MYO18B: variants seen among roughly 807,000 people sequenced by gnomAD.
The protein encoded by MYO18B is myosin XVIIIB.
Under a neutral mutation model 273.0 loss-of-function variants are expected in MYO18B, and 204 were observed. The observed-to-expected ratio is 0.75, with a 90% confidence interval of 0.67 to 0.84. The LOEUF (loss-of-function observed/expected upper bound fraction) is 0.84, where lower values mean the gene tolerates loss of function less well. Among genes scored for constraint, MYO18B ranks in the 40% least tolerant of loss-of-function variants. MYO18B has a pLI of 0.00. For synonymous variants in MYO18B, 1,330 were observed against 1,305.7 expected, an observed-to-expected ratio of 1.02 and a Z score of -0.40; for missense variants, 3,212 against 3,287.6, an observed-to-expected ratio of 0.98 and a Z score of 0.56.
At chr22:25,886,664 G>A (rs2091510352) in intron 25 of MYO18B, among the ~76,000 whole-genome samples, 1 of 152,158 alleles carries the variant, frequency 6.6e-6, no homozygotes, top group Non-Finnish European at 1.5e-5. Flanking sequence ...TGGCTGCCTG[G>A]TTTGTTCTAG....
Position 25,930,593 on chromosome 22 carries a change from C to G in MYO18B, c.5517+9184C>G, listed in dbSNP as rs2092485071. Among the ~76,000 whole-genome samples, 4 of 151,450 alleles carry G rather than the reference C, an allele frequency of 2.6e-5. No individual in the cohort carries two copies. The South Asian group carries it at 8.4e-4, about 32-fold the overall frequency. On this transcript the variant is annotated intron_variant, in intron 34 of 43. Coordinates refer to ENST00000335473, the MANE Select transcript of MYO18B (RefSeq NM_032608.7). ...TGGTGCAATCGCGGTTTACTACAGCCTCAACCTCAAGCAGAATACAGGCAT... is the reference window on the plus strand; with the variant it reads ...TGGTGCAATCGCGGTTTACTACAGCGTCAACCTCAAGCAGAATACAGGCAT...
At chr22:25,948,287 A>G (rs941741861) in intron 36 of MYO18B, among the ~76,000 whole-genome samples, 5 of 151,718 alleles carry the variant, frequency 3.3e-5, no homozygotes, top group African/African-American at 1.2e-4. Flanking sequence ...CCATCTTTCC[A>G]TTCATTTATC....
intron 39 of MYO18B, among the ~76,000 whole-genome samples, chr22:25,977,738 A>G (rs2146771157): frequency 1.3e-5 from 2 of 152,328 alleles, no homozygotes; most frequent in South Asian, 4.1e-4. Flanking sequence ...TTCTAAGAAT[A>G]GGAAAGGGAG....
At chr22:25,982,048 G>A (rs890295367) in intron 39 of MYO18B, among the ~76,000 whole-genome samples, 1 of 152,206 alleles carries the variant, frequency 6.6e-6, no homozygotes, top group East Asian at 1.9e-4. Flanking sequence ...CATGGCTGGA[G>A]CAGGAGGAAG....
chr22:26,039,028 G>A, the MYO18B span, among the ~76,000 whole-genome samples: 1 of 152,184 alleles, frequency 6.6e-6, no homozygotes, highest in Non-Finnish European at 1.5e-5. Flanking sequence ...ATCTCTTGGA[G>A]TCTGATATTC....
At chr22:25,803,983 C>CACAT (rs1444842634) in intron 12 of MYO18B, among the ~76,000 whole-genome samples, 1 of 150,308 alleles carries the variant, frequency 6.7e-6, no homozygotes, top group Non-Finnish European at 1.5e-5. Context: ...CACACACACA[C>CACAT]ACACACACAC....
chr22:25,843,920 G>A (rs1329961060), intron 18 of MYO18B, 26 bp downstream of exon 18: 24 of 1,589,038 alleles, frequency 1.5e-5, no homozygotes, highest in Non-Finnish European at 2.1e-5. Flanking sequence ...GTTGGGGACG[G>A]GGATGGAGCA....
In MYO18B at chr22:25,769,384, C is replaced by A. The variant is rs753003182; in HGVS notation, c.1468C>A (p.Pro490Thr). 2 of 1,570,998 alleles carry A rather than the reference C, an allele frequency of 1.3e-6. No homozygotes were observed. The highest frequency in any genetic ancestry group is 1.2e-5 in the South Asian group (1 of 84,970). ...IRKENQDGPA[P>T]QEEGKGGQSR... is the part of the protein sequence containing the mutation. ...GAAGGAGAACCAAGACGGGCCAGCC[C>A]CGCAGGAGGAGGGCAAAGGAGGCCA... is the stretch of plus-strand genomic sequence containing the variant. The change falls in exon 4 of 44, where the codon CCG (proline) becomes ACG (threonine). Residue 490 changes from proline to threonine, a missense_variant. Coordinates refer to ENST00000335473, the MANE Select transcript of MYO18B (RefSeq NM_032608.7).
rs1569308524 is a variant in MYO18B at position 26,026,739 on chromosome 22, AG to A, written c.6768del (p.Leu2257SerfsTer16). 1 of 1,613,154 alleles carries A rather than the reference AG, an allele frequency of 6.2e-7. No individual in the cohort carries two copies. Among genetic ancestry groups the A allele is most frequent in the Non-Finnish European group, 8.5e-7 (1 of 1,179,582 alleles). On this transcript the variant is annotated frameshift_variant, in exon 43 of 44. Transcript: ENST00000335473. LOFTEE classifies it high-confidence loss of function. Reference sequence around the variant, plus strand: ...CAGCGGCCCTCTCGGAGTTCGTGGAAGGGCTCCGGAGGAAGAGAGCCCAGAG... The same window carrying A: ...CAGCGGCCCTCTCGGAGTTCGTGGAAGGCTCCGGAGGAAGAGAGCCCAGAG... ...PSAALSEFVE[G>X]LRRKRAQRGQ...
chr22:25,978,962 A>G (rs1601741373), intron 39 of MYO18B, among the ~76,000 whole-genome samples: 1 of 152,216 alleles, frequency 6.6e-6, no homozygotes, highest in African/African-American at 2.4e-5. Context: ...AAAAAGAACT[A>G]TCTGAATCTT....
Position 25,890,851 on chromosome 22 carries a change from C to T in MYO18B, c.4410C>T (p.Ala1470=), listed in dbSNP as rs1343589608. The T allele has an allele frequency of 3.1e-6, 5 of 1,613,770 alleles. No individual in the cohort carries two copies. The highest frequency in any genetic ancestry group is 1.3e-5 in the African/African-American group (1 of 74,926). Residue 1470 remains alanine, a synonymous_variant, in exon 26 of 44, where the codon GCC becomes GCT. Coordinates refer to ENST00000335473, the MANE Select transcript of MYO18B (RefSeq NM_032608.7). ...GTGAGCGGGCAGAGCGGCTACAGGC[C>T]TTCCGGGAGGTCCAGGAGCTCAAGG... The part of the protein sequence containing the change: ...LESERAERLQ[A]FREVQELKSK...
chr22:26,027,832 A>C lies in MYO18B; in HGVS notation c.*12+142A>C. 16 of 879,370 alleles carry C rather than the reference A, an allele frequency of 1.8e-5. No individual in the cohort carries two copies. The highest frequency in any genetic ancestry group is 2.7e-5 in the Non-Finnish European group (16 of 592,812). 54.5% of individuals were successfully genotyped at this position (879,370 alleles called of 1,614,324 possible). On this transcript the variant is annotated intron_variant, in intron 43 of 43. Transcript: ENST00000335473. The surrounding 1 kb of genome is among the most constrained non-coding windows in gnomAD (Gnocchi z 4.1). The stretch of plus-strand genomic sequence containing the variant: ...ATTTTTAGAGGTTTTAGCTGAAGTC[A>C]TGTGTTGATGGATGCAAAGCTTTTC...
intron 12 of MYO18B, among the ~76,000 whole-genome samples, chr22:25,802,966 CTT>C (rs557925408): frequency 8.9e-5 from 12 of 134,910 alleles, no homozygotes; most frequent in African/African-American, 1.9e-4. Flanking sequence ...TTTTTTCTTT[CTT>C]TTTTTTTTTT....
chr22:25,947,732 G>A lies in MYO18B; in HGVS notation c.5652G>A (p.Arg1884=). The A allele has an allele frequency of 1.2e-6, 2 of 1,613,592 alleles. No homozygotes were observed. Among genetic ancestry groups the A allele is most frequent in the East Asian group, 2.2e-5 (1 of 44,878 alleles). ...NKSLVDEQLY[R]LQFEKADLLK... is the part of the protein sequence containing the mutation. ...CCCAGGTGGATGAGCAGCTGTACAGGCTGCAGTTTGAGAAGGCGGACCTCC... is the reference window on the plus strand; with the variant it reads ...CCCAGGTGGATGAGCAGCTGTACAGACTGCAGTTTGAGAAGGCGGACCTCC... Residue 1884 remains arginine (R), a synonymous_variant, in exon 36 of 44, where the codon AGG becomes AGA. Coordinates refer to ENST00000335473, the MANE Select transcript of MYO18B (RefSeq NM_032608.7).
chr22:25,916,614 C>T (rs1242262203), intron 33 of MYO18B, among the ~76,000 whole-genome samples: 1 of 152,048 alleles, frequency 6.6e-6, no homozygotes. Context: ...TTTGGAGTAA[C>T]TTTCTATTGT....
intron 12 of MYO18B, among the ~76,000 whole-genome samples, chr22:25,803,754 G>A (rs368789523): frequency 6.6e-6 from 1 of 152,098 alleles, no homozygotes; most frequent in East Asian, 1.9e-4. Context: ...ACGCAACGAT[G>A]TTCATAGGAA....
At chr22:26,061,651 A>G in the MYO18B span, among the ~76,000 whole-genome samples, 1 of 145,006 alleles carries the variant, frequency 6.9e-6, no homozygotes, top group South Asian at 2.3e-4. Flanking sequence ...ATCTACCACC[A>G]AGAAAGGTCA....
intron 1 of MYO18B, among the ~76,000 whole-genome samples, chr22:25,753,212 G>C (rs1307142465): frequency 7.4e-5 from 10 of 135,650 alleles, no homozygotes; most frequent in Non-Finnish European, 1.6e-5. Flanking sequence ...GACCCCAGCT[G>C]GCCTCCCGGT....
the MYO18B span, among the ~76,000 whole-genome samples, chr22:26,047,927 G>A: frequency 6.6e-6 from 1 of 152,144 alleles, no homozygotes; most frequent in African/African-American, 2.4e-5. Context: ...CACACTGGCT[G>A]CCTGTCAGTT....
Sources: gnomAD v4.1 joint callset for allele counts (sites outside exome capture counted in the v4.1 genomes callset) on GRCh38, gnomAD v4.1.1 for gene constraint, Gnocchi (gnomAD v3.1) non-coding constraint, MANE v1.5 for transcripts, NCBI Gene and HGNC (gene_info 2026-07-23, HGNC 2026-07-21) for gene names.